HELZ: variants seen among roughly 807,000 people sequenced by gnomAD.
HELZ encodes the protein helicase with zinc finger, also known as ATP-dependent RNA helicase with zinc finger domain.
Under a neutral mutation model 218.2 loss-of-function variants are expected in HELZ, and 23 were observed. The ratio of observed to expected loss-of-function variants is 0.11; its 90% CI spans 0.08 to 0.15. The LOEUF (loss-of-function observed/expected upper bound fraction) is 0.15, where lower values mean the gene tolerates loss of function less well. Ranked by LOEUF, HELZ falls within the 10% of genes least tolerant of loss-of-function variation. The probability of loss-of-function intolerance (pLI) is 1.00; values close to 1 mark genes in which losing one functional copy is unlikely to be tolerated. For synonymous variants in HELZ, 814 were observed against 829.4 expected (o/e 0.98, Z 0.32); for missense variants, 1,813 against 2,353.7 (o/e 0.77, Z 4.75).
chr17:67,126,877 A>G (rs567960159), intron 24 of HELZ, among the ~76,000 whole-genome samples: 11 of 150,946 alleles, frequency 7.3e-5, no homozygotes, highest in East Asian at 1.9e-4. Context: ...AATAATAGTA[A>G]TAATAATGTA....
intron 24 of HELZ, chr17:67,128,375 G>C (rs1316159699): frequency 1.4e-5 from 6 of 424,736 alleles, no homozygotes; most frequent in East Asian, 8.0e-5. Flanking sequence ...AACTCTATCA[G>C]TAGAGAGGAT....
chr17:67,083,658 A>C (rs1038769906), intron 32 of HELZ, among the ~76,000 whole-genome samples: 9 of 152,174 alleles, frequency 5.9e-5, no homozygotes, highest in South Asian at 2.1e-4. Context: ...CAAACAAAAA[A>C]CACATCTCTA....
chr17:67,170,725 G>T (rs2039283837), intron 13 of HELZ, among the ~76,000 whole-genome samples: 1 of 151,690 alleles, frequency 6.6e-6, no homozygotes, highest in South Asian at 2.1e-4. Context: ...TACAAGGGAG[G>T]CTGAGGAAGG....
intron 3 of HELZ, among the ~76,000 whole-genome samples, chr17:67,221,998 C>T (rs2040759596): frequency 6.6e-6 from 1 of 151,828 alleles, no homozygotes; most frequent in South Asian, 2.1e-4. Flanking sequence ...CCACCACAAC[C>T]GGCTAATTTT....
At chr17:67,112,734 T>C (rs1382464621) in intron 28 of HELZ, among the ~76,000 whole-genome samples, 1 of 152,230 alleles carries the variant, frequency 6.6e-6, no homozygotes, top group Admixed American at 6.5e-5. Context: ...CACTGGTTTA[T>C]AGTAAGAAAC....
At position 67,223,920 on chromosome 17, in the gene HELZ, G is replaced by C. The variant is rs572024276; in HGVS notation, c.-18-5098C>G. Among the ~76,000 whole-genome samples the C allele has an allele frequency of 3.9e-5, 6 of 152,302 alleles. No homozygotes were observed. In the East Asian group the frequency reaches 1.2e-3, roughly 29 times the overall value. The stretch of plus-strand genomic sequence containing the variant: ...CCAAATCCACTAACTCCTCTGATCT[G>C]TTGCTGACCTATAAAAAGAGACTAA... On this transcript the variant is annotated intron_variant, in intron 3 of 32. Coordinates refer to ENST00000358691, the MANE Select transcript of HELZ (RefSeq NM_014877.4).
chr17:67,193,944 A>G (rs756520871), intron 9 of HELZ, 23 bp downstream of exon 9: 1 of 1,592,686 alleles, frequency 6.3e-7, no homozygotes, highest in Non-Finnish European at 8.6e-7. Flanking sequence ...GTCATTGTTT[A>G]AAAACAAAAA....
chr17:67,195,539 T>A, intron 7 of HELZ, 69 bp from the exon 8 acceptor site: 2 of 846,208 alleles, frequency 2.4e-6, no homozygotes, highest in Non-Finnish European at 4.0e-6. Context: ...ACTTGAACAT[T>A]TTCAATATTA....
At chr17:67,135,170 A>C (rs1158153015) in intron 23 of HELZ, among the ~76,000 whole-genome samples, 3 of 152,208 alleles carry the variant, frequency 2.0e-5, no homozygotes, top group Non-Finnish European at 4.4e-5. Flanking sequence ...TCTAATGAAT[A>C]CTAATAATGC....
chr17:67,114,508 C>G (rs2037373722), intron 27 of HELZ, 105 bp from the exon 28 acceptor site: 2 of 717,576 alleles, frequency 2.8e-6, no homozygotes, highest in African/African-American at 3.5e-5. Context: ...AAACACTTTT[C>G]ACCCATTATG....
chr17:67,231,035 A>G (rs1024224912), intron 3 of HELZ, among the ~76,000 whole-genome samples: 1 of 152,222 alleles, frequency 6.6e-6, no homozygotes, highest in African/African-American at 2.4e-5. Context: ...GCATAAGAAA[A>G]TCAGGAAGGA....
chr17:67,213,390 G>T (rs913286033), intron 5 of HELZ, among the ~76,000 whole-genome samples: 2 of 152,082 alleles, frequency 1.3e-5, no homozygotes, highest in Non-Finnish European at 2.9e-5. Flanking sequence ...TTGGGACGCC[G>T]AGGCAGGCAG....
chr17:67,089,089 G>A (rs1051678490), intron 31 of HELZ, among the ~76,000 whole-genome samples: 3 of 152,100 alleles, frequency 2.0e-5, no homozygotes, highest in African/African-American at 7.2e-5. Context: ...ATCTTCAGGG[G>A]ATTACATTCT....
chr17:67,141,292 A>C (rs999356334), intron 21 of HELZ, among the ~76,000 whole-genome samples: 4 of 152,198 alleles, frequency 2.6e-5, no homozygotes, highest in African/African-American at 9.6e-5. Context: ...GTAATGTTTG[A>C]CAGTAACGGC....
At chr17:67,128,434 ATTGT>A (rs1286820860) in intron 24 of HELZ, 5 of 563,024 alleles carry the variant, frequency 8.9e-6, no homozygotes, top group South Asian at 7.0e-5. Flanking sequence ...AGTATTAAAA[ATTGT>A]TTGAGAATGA....
intron 25 of HELZ, 148 bp downstream of exon 25, chr17:67,123,815 C>G (rs868852354): frequency 1.1e-5 from 6 of 534,092 alleles, no homozygotes; most frequent in Admixed American, 7.5e-5. Context: ...TCCAAAGTGA[C>G]TGTGTGTGTG....
chr17:67,159,468 A>C (rs1242896374), intron 17 of HELZ, among the ~76,000 whole-genome samples: 1 of 152,182 alleles, frequency 6.6e-6, no homozygotes, highest in Non-Finnish European at 1.5e-5. Flanking sequence ...TTAGTGACTT[A>C]TGATTCAAAA....
Position 67,228,660 on chromosome 17 carries a change from C to A in HELZ, c.-18-9838G>T, listed in dbSNP as rs77214016. ...CAGGATGACAGAGGAGACTTTGTCT[C>A]AAAAAAAAAAAAAATTTATTGTGAC... is the stretch of plus-strand genomic sequence containing the variant. On this transcript the variant is annotated intron_variant, in intron 3 of 32. Transcript: ENST00000358691. Among the ~76,000 whole-genome samples the A allele has an allele frequency of 8.9e-3, 1,054 of 117,840 alleles. 7 individuals carry two copies. The highest frequency in any genetic ancestry group is 0.027 in the African/African-American group (893 of 32,798). 77.3% of individuals were successfully genotyped at this position (117,840 alleles called of 152,430 possible). A position where few individuals can be genotyped will look rare whatever the true frequency, so the allele number is the denominator to read the frequency against.
At chr17:67,216,265 G>A (rs901647836) in intron 4 of HELZ, among the ~76,000 whole-genome samples, 14 of 152,062 alleles carry the variant, frequency 9.2e-5, no homozygotes, top group Non-Finnish European at 1.9e-4. Flanking sequence ...TCACCACCAC[G>A]TCTCCCCACT....
Sources: gnomAD v4.1 joint callset for allele counts (sites outside exome capture counted in the v4.1 genomes callset) on GRCh38, gnomAD v4.1.1 for gene constraint, MANE v1.5 for transcripts, NCBI Gene and HGNC (gene_info 2026-07-23, HGNC 2026-07-21) for gene names.